DTL: variants seen among roughly 807,000 people sequenced by gnomAD.
DTL encodes the protein denticleless protein homolog.
A neutral mutation model predicts 87.0 loss-of-function variants in DTL; 46 were observed. The ratio of observed to expected loss-of-function variants is 0.53; its 90% CI spans 0.42 to 0.68. DTL has a LOEUF of 0.68. Ranked by LOEUF, DTL falls within the 30% of genes least tolerant of loss-of-function variation. The probability of loss-of-function intolerance (pLI) is 0.00; values close to 1 mark genes in which losing one functional copy is unlikely to be tolerated. For synonymous variants in DTL, 308 were observed against 311.2 expected, an observed-to-expected ratio of 0.99 and a Z score of 0.11; for missense variants, 737 against 869.4, an observed-to-expected ratio of 0.85 and a Z score of 1.91.
chr1:212,083,502 G>C (rs936753779), intron 13 of DTL, among the ~76,000 whole-genome samples: 2 of 152,156 alleles, frequency 1.3e-5, no homozygotes, highest in Admixed American at 1.3e-4. Flanking sequence ...ACTAAAGGGA[G>C]ATGGGAAAAT....
chr1:212,043,073 G>A lies in DTL; in HGVS notation c.133G>A (p.Glu45Lys). ...SGNDEHTSYG[E>K]TGVPVPPFGC... ...TAATGATGAACACACTTCTTATGGA[G>A]AAACAGGAGTCCCAGTTCCTCCTTT... is the stretch of plus-strand genomic sequence containing the variant. The change falls in exon 2 of 15, where the codon GAA (glutamate) becomes AAA (lysine). Residue 45 changes from glutamate (E) to lysine (K), a missense_variant. Physicochemically the swap from Glu to Lys is moderately conservative, Grantham distance 56 (BLOSUM62 1). Transcript: ENST00000366991. 1.9e-6 allele frequency: 3 copies of A among 1,613,402 alleles called. No individual in the cohort carries two copies. Among genetic ancestry groups the A allele is most frequent in the Non-Finnish European group, 2.5e-6 (3 of 1,179,682 alleles).
At position 212,035,942 on chromosome 1, in the gene DTL, GGTGA is replaced by G; in HGVS notation, c.52+3_52+6del. 2 of 1,614,086 alleles carry G rather than the reference GGTGA, an allele frequency of 1.2e-6. No homozygotes were observed. The highest frequency in any genetic ancestry group is 2.7e-5 in the African/African-American group (2 of 75,032). On this transcript the variant is annotated splice_donor_variant and splice_donor_region_variant and intron_variant, in intron 1 of 14. Coordinates refer to ENST00000366991, the MANE Select transcript of DTL (RefSeq NM_016448.4). LOFTEE classifies it high-confidence loss of function. The stretch of plus-strand genomic sequence containing the variant: ...GCCCCAGCTTGGCGTCCTGAGAAAT[GGTGA>G]GTAACGGTCCCAACCGCTGCTCGGA...
intron 5 of DTL, among the ~76,000 whole-genome samples, chr1:212,050,860 A>G (rs75695348): frequency 0.026 from 3,990 of 152,218 alleles, 59 homozygotes; most frequent in African/African-American, 0.047. Flanking sequence ...CACTCTTGCT[A>G]AGGTTATTAA....
Position 212,100,622 on chromosome 1 carries a change from C to T in DTL, c.1632C>T (p.Cys544=), listed in dbSNP as rs201784384. ...AGAAGTCATCCCAAGCAGAGGCTTG[C>T]TCTGAGTCTAGAAATAGAGTAAAGA... ...VSQKSSQAEA[C]SESRNRVKRR... The change falls in exon 14 of 15, where the codon TGC becomes TGT. Residue 544 remains cysteine, a synonymous_variant. Transcript: ENST00000366991. 2.8e-4 allele frequency: 447 copies of T among 1,614,052 alleles called. 1 individual carries two copies. In the Middle Eastern group the frequency reaches 3.0e-3, roughly 11 times the overall value.
chr1:212,101,227 C>A, intron 14 of DTL, 143 bp downstream of exon 14: 3 of 598,716 alleles, frequency 5.0e-6, no homozygotes, highest in African/African-American at 1.9e-5. Context: ...CACATAAATA[C>A]AAAACAAATT....
At chr1:212,090,732 T>A (rs766326566) in intron 13 of DTL, among the ~76,000 whole-genome samples, 8 of 152,218 alleles carry the variant, frequency 5.3e-5, no homozygotes, top group Non-Finnish European at 4.4e-5. Context: ...TTTTTTGCCT[T>A]GTGGAAAATA....
intron 13 of DTL, among the ~76,000 whole-genome samples, chr1:212,081,363 G>A (rs1024322669): frequency 3.0e-4 from 45 of 152,214 alleles, no homozygotes; most frequent in Non-Finnish European, 8.8e-5. Context: ...AGAGAGGCTA[G>A]CATGGCTGGC....
At chr1:212,053,459 C>G (rs2102537856) in intron 5 of DTL, among the ~76,000 whole-genome samples, 1 of 152,226 alleles carries the variant, frequency 6.6e-6, no homozygotes, top group East Asian at 1.9e-4. Flanking sequence ...TCCCAAAATG[C>G]TGGGATTACA....
Position 212,047,283 on chromosome 1 carries a change from C to A in DTL, c.340-14C>A, listed in dbSNP as rs1387806583. ...GAGTGCTTTATTAAATTGTGTTTAC[C>A]TTATTTTTGAAAGGTTACAGCAGCA... On this transcript the variant is annotated splice_polypyrimidine_tract_variant and intron_variant, in intron 4 of 14. Coordinates refer to ENST00000366991, the MANE Select transcript of DTL (RefSeq NM_016448.4). The A allele has an allele frequency of 1.2e-6, 2 of 1,614,036 alleles. No individual in the cohort carries two copies. The highest frequency in any genetic ancestry group is 8.5e-7 in the Non-Finnish European group (1 of 1,180,006).
At chr1:212,072,798 C>A in intron 11 of DTL, among the ~76,000 whole-genome samples, 1 of 135,330 alleles carries the variant, frequency 7.4e-6, no homozygotes, top group Non-Finnish European at 1.5e-5. Flanking sequence ...GAGTCTCACT[C>A]TGTCGCACAG....
chr1:212,082,294 A>G (rs72750369), intron 13 of DTL, among the ~76,000 whole-genome samples: 10,666 of 152,294 alleles, frequency 0.07, 474 homozygotes, highest in Admixed American at 0.14. Flanking sequence ...GATTGGTGTC[A>G]TTCATGTATA....
chr1:212,056,075 GCTA>G (rs2102540999), intron 5 of DTL, among the ~76,000 whole-genome samples: 1 of 152,290 alleles, frequency 6.6e-6, no homozygotes, highest in South Asian at 2.1e-4. Context: ...TTTCATCACT[GCTA>G]CTGTCATCAT....
chr1:212,071,673 GAT>G (rs1654674834), intron 10 of DTL, among the ~76,000 whole-genome samples: 1 of 152,060 alleles, frequency 6.6e-6, no homozygotes, highest in Non-Finnish European at 1.5e-5. Context: ...GAAAAAGTAA[GAT>G]ATAAAATTTA....
rs1655712123 is a variant in DTL, at chr1:212,104,342, T to G, written c.*1402T>G. On this transcript the variant is annotated 3_prime_UTR_variant, in exon 15 of 15. Transcript: ENST00000366991. ...TCTTATAAGTTAAAGCTGTAACAAC[T>G]GAAATTGCATGGATCAAGTAAGCAT... The G allele has an allele frequency of 6.6e-6, 1 of 152,208 alleles. No homozygotes were observed. Among genetic ancestry groups the G allele is most frequent in the East Asian group, 1.9e-4 (1 of 5,194 alleles). The allele number at this position is 152,208 out of a possible 1,614,324, so 9.4% of individuals were successfully genotyped here. A position where few individuals can be genotyped will look rare whatever the true frequency, so the allele number is the denominator to read the frequency against.
chr1:212,048,811 T>TAA (rs528410747), intron 5 of DTL, among the ~76,000 whole-genome samples: 5,573 of 142,270 alleles, frequency 0.039, 129 homozygotes, highest in African/African-American at 0.057. Context: ...CCTTTATCAC[T>TAA]AAAAAAAAAA....
rs2102557769 is a variant in DTL at position 212,072,168 on chromosome 1, G to C, written c.990G>C (p.Gln330His). The change falls in exon 11 of 15, where the codon CAG becomes CAC. Residue 330 changes from glutamine to histidine, a missense_variant. Gln to His is a conservative substitution (Grantham distance 24). Transcript: ENST00000366991. ...YVKSSLSPDD[Q>H]FLVSGSSDEA... ...AATCCAGCCTTAGTCCAGATGACCA[G>C]TTTTTAGTCAGTGGCTCAAGTGATG... The C allele has an allele frequency of 6.2e-7, 1 of 1,614,034 alleles. No homozygotes were observed. The highest frequency in any genetic ancestry group is 1.1e-5 in the South Asian group (1 of 91,082).
In DTL at chr1:212,072,919, A is replaced by G. The variant is rs1177444163; in HGVS notation, c.1035+706A>G. Among the ~76,000 whole-genome samples, 3 of 152,076 alleles carry G rather than the reference A, an allele frequency of 2.0e-5. No homozygotes were observed. The East Asian group carries it at 5.8e-4, about 29-fold the overall frequency. ...ACTGGGACTACAGGTGCCTGCCACC[A>G]CGCCCGGCTAATTTCTTTTGTATTT... On this transcript the variant is annotated intron_variant, in intron 11 of 14. Transcript: ENST00000366991.
intron 6 of DTL, among the ~76,000 whole-genome samples, chr1:212,063,258 T>C (rs1654389208): frequency 6.6e-6 from 1 of 151,780 alleles, no homozygotes; most frequent in Non-Finnish European, 1.5e-5. Flanking sequence ...AATGTCTTTA[T>C]TTTGGTTTTT....
intron 12 of DTL, among the ~76,000 whole-genome samples, chr1:212,079,966 G>A (rs949745564): frequency 1.3e-5 from 2 of 152,178 alleles, no homozygotes; most frequent in African/African-American, 4.8e-5. Context: ...CTTCAAGCTG[G>A]ACTTTCTCTG....
Sources: allele counts gnomAD v4.1 joint callset (sites outside exome capture counted in the v4.1 genomes callset), GRCh38; gene constraint gnomAD v4.1.1; transcripts MANE v1.5; gene names NCBI Gene and HGNC (gene_info 2026-07-23, HGNC 2026-07-21).